Variants in FCRL6 observed in about 807,000 individuals in gnomAD.
The protein encoded by FCRL6 is Fc receptor like 6, also known as Fc receptor-like protein 6.
In FCRL6, 50 loss-of-function variants were observed where a neutral mutation model predicts 49.1. The observed-to-expected ratio is 1.02, with a 90% confidence interval of 0.81 to 1.29. FCRL6 has a LOEUF of 1.29. FCRL6 is among the 50% of genes most tolerant of loss of function. The probability of loss-of-function intolerance (pLI) is 0.00; values close to 1 mark genes in which losing one functional copy is unlikely to be tolerated. For synonymous variants in FCRL6, 213 were observed against 199.6 expected (o/e 1.07, Z -0.57); for missense variants, 571 against 518.5 (o/e 1.10, Z -0.98).
Position 159,809,325 on chromosome 1 carries a change from G to A in FCRL6, c.605-77G>A, listed in dbSNP as rs774963131. ...GATCCCCTGGGACTAAAGGAGTTGG[G>A]GGAAGGGTCCCCAGGAGAGGAGGGA... On this transcript the variant is annotated intron_variant, in intron 4 of 9. Coordinates refer to ENST00000368106, the MANE Select transcript of FCRL6 (RefSeq NM_001004310.3). 1.4e-4 allele frequency: 213 copies of A among 1,527,692 alleles called. 1 individual carries two copies. Among genetic ancestry groups the A allele is most frequent in the Non-Finnish European group, 1.8e-4 (209 of 1,140,458 alleles). 94.6% of individuals were successfully genotyped at this position (1,527,692 alleles called of 1,614,324 possible). A position where few individuals can be genotyped will look rare whatever the true frequency, so the allele number is the denominator to read the frequency against.
In FCRL6 at chr1:159,802,439, G is replaced by T. The variant is rs138762761; in HGVS notation, c.15G>T (p.Thr5=). The change falls in exon 1 of 10, where the codon ACG becomes ACT. Residue 5 remains threonine (T), a synonymous_variant. Coordinates refer to ENST00000368106, the MANE Select transcript of FCRL6 (RefSeq NM_001004310.3). ...GAACAGGCCCCATGCTGCTCTGGAC[G>T]GCTGTGCTGCTCTTTGGTAAGTCAA... is the stretch of plus-strand genomic sequence containing the variant. MLLW[T]AVLLFVPCVG... 2 of 1,613,814 alleles carry T rather than the reference G, an allele frequency of 1.2e-6. No homozygotes were observed. The highest frequency in any genetic ancestry group is 1.7e-6 in the Non-Finnish European group (2 of 1,179,862).
intron 1 of FCRL6, among the ~76,000 whole-genome samples, chr1:159,806,089 C>A (rs1662656149): frequency 6.6e-6 from 1 of 152,224 alleles, no homozygotes; most frequent in South Asian, 2.1e-4. Context: ...TAAGCAGAGT[C>A]CCTGCTACTA....
upstream of FCRL6, chr1:159,800,520 A>G (rs1415861475): frequency 3.0e-6 from 4 of 1,338,042 alleles, no homozygotes; most frequent in Non-Finnish European, 4.2e-6. Flanking sequence ...CCACACACCC[A>G]CAGGACCTGC....
chr1:159,815,594 C>A lies in FCRL6; in HGVS notation c.1238C>A (p.Thr413Lys), dbSNP rs781564692. 10 of 1,614,198 alleles carry A rather than the reference C, an allele frequency of 6.2e-6. No homozygotes were observed. Among genetic ancestry groups the A allele is most frequent in the Non-Finnish European group, 7.6e-6 (9 of 1,180,038 alleles). ...CTGCAGCCCAGTGAGGTTTCATCCA[C>A]GGAGGTGAATATGAGAAGCAGGACT... ...RCLQPSEVSS[T>K]EVNMRSRTLQ... The change falls in exon 10 of 10, where the codon ACG becomes AAG. Residue 413 changes from threonine to lysine, a missense_variant. Physicochemically the swap from Thr to Lys is moderately conservative, Grantham distance 78 (BLOSUM62 -1). Transcript: ENST00000368106.
rs758104876 is a variant in FCRL6 at position 159,814,250 on chromosome 1, G to A, written c.1105G>A (p.Val369Ile). ...TCACCAGAAAGGGAAAGATGAAGGT[G>A]TTGTCTACTCTGTGGTGCATAGAAC... ...VHHQKGKDEG[V>I]VYSVVHRTSK... Residue 369 changes from valine (V) to isoleucine (I), a missense_variant, in exon 8 of 10, where the codon GTT becomes ATT. Coordinates refer to ENST00000368106, the MANE Select transcript of FCRL6 (RefSeq NM_001004310.3). 4.3e-6 allele frequency: 7 copies of A among 1,614,198 alleles called. No individual in the cohort carries two copies. Among genetic ancestry groups the A allele is most frequent in the Non-Finnish European group, 5.9e-6 (7 of 1,180,008 alleles).
intron 2 of FCRL6, 83 bp from the exon 3 acceptor site, chr1:159,808,095 A>G (rs752139797): frequency 4.1e-5 from 61 of 1,487,702 alleles, no homozygotes; most frequent in Non-Finnish European, 5.1e-5. Context: ...CCCCAGCAGG[A>G]GGCCTTAGGC....
chr1:159,807,222 T>A (rs1234356042), intron 2 of FCRL6, among the ~76,000 whole-genome samples: 1 of 152,180 alleles, frequency 6.6e-6, no homozygotes, highest in Non-Finnish European at 1.5e-5. Flanking sequence ...GCGGTGAGCA[T>A]CGTTACTTCC....
intron 1 of FCRL6, among the ~76,000 whole-genome samples, chr1:159,805,449 T>G (rs970959660): frequency 1.3e-5 from 2 of 152,194 alleles, no homozygotes; most frequent in African/African-American, 4.8e-5. Flanking sequence ...CTGGACTGAC[T>G]GCACTCAGCC....
At chr1:159,805,337 C>T (rs1472481754) in intron 1 of FCRL6, among the ~76,000 whole-genome samples, 1 of 151,646 alleles carries the variant, frequency 6.6e-6, no homozygotes, top group Non-Finnish European at 1.5e-5. Context: ...AGGGTTTTCA[C>T]CCACCCTTCC....
chr1:159,815,245 G>A (rs1663323455), intron 8 of FCRL6, among the ~76,000 whole-genome samples, 183 bp from the exon 9 acceptor site: 1 of 152,238 alleles, frequency 6.6e-6, no homozygotes, highest in Non-Finnish European at 1.5e-5. Context: ...CACAGCTGGT[G>A]TGTAGTCCAG....
chr1:159,801,731 A>G (rs1231267965), upstream of FCRL6, among the ~76,000 whole-genome samples: 6 of 152,102 alleles, frequency 3.9e-5, no homozygotes, highest in Non-Finnish European at 8.8e-5. Context: ...AAACTATCTC[A>G]TCACACCACA....
At chr1:159,808,909 G>A (rs12042065) in intron 3 of FCRL6, 52 bp from the exon 4 acceptor site, 679,083 of 1,511,904 alleles carry the variant, frequency 0.45, 158,260 homozygotes, top group Non-Finnish European at 0.48. Context: ...AGCCTCCTGG[G>A]GCTTCATCAT....
chr1:159,811,199 C>T (rs1323572064), intron 6 of FCRL6, among the ~76,000 whole-genome samples: 11 of 152,174 alleles, frequency 7.2e-5, no homozygotes, highest in Admixed American at 5.2e-4. Context: ...GTTTGGGGGG[C>T]CACGCATTTA....
intron 3 of FCRL6, 123 bp downstream of exon 3, chr1:159,808,567 G>A: frequency 8.1e-7 from 1 of 1,230,750 alleles, no homozygotes; most frequent in South Asian, 1.4e-5. Context: ...GGGCCAATGT[G>A]TGGGGCCCCG....
intron 8 of FCRL6, among the ~76,000 whole-genome samples, chr1:159,814,823 A>C (rs1663299208): frequency 6.6e-6 from 1 of 152,188 alleles, no homozygotes; most frequent in African/African-American, 2.4e-5. Context: ...GAAATAGGCC[A>C]TGTGGCATCA....
intron 1 of FCRL6, among the ~76,000 whole-genome samples, chr1:159,804,357 TC>T (rs1321056493): frequency 2.0e-5 from 3 of 152,248 alleles, no homozygotes; most frequent in Admixed American, 2.0e-4. Context: ...GTATTTTGTG[TC>T]TTTCCTCTGT....
At position 159,816,174 on chromosome 1, in the gene FCRL6, C is replaced by T. The variant is rs989753885; in HGVS notation, c.*513C>T. 1.2e-5 allele frequency: 2 copies of T among 170,076 alleles called. No individual in the cohort carries two copies. Among genetic ancestry groups the T allele is most frequent in the South Asian group, 2.9e-4 (2 of 6,974 alleles). The allele number at this position is 170,076 out of a possible 1,614,324, so 10.5% of individuals were successfully genotyped here. A position where few individuals can be genotyped will look rare whatever the true frequency, so the allele number is the denominator to read the frequency against. On this transcript the variant is annotated 3_prime_UTR_variant, in exon 10 of 10. Transcript: ENST00000368106. Reference sequence around the variant, plus strand: ...ACAAACAAGCTACAGCGCCGCTAGTCATATACAAATATAGCACATACAATT... The same window carrying T: ...ACAAACAAGCTACAGCGCCGCTAGTTATATACAAATATAGCACATACAATT...
chr1:159,805,364 T>A (rs190662306), intron 1 of FCRL6, among the ~76,000 whole-genome samples: 206 of 116,988 alleles, frequency 1.8e-3, no homozygotes, highest in Admixed American at 4.6e-3. Context: ...CATTCTTGCA[T>A]TTTTTTTTTG....
intron 1 of FCRL6, among the ~76,000 whole-genome samples, chr1:159,806,049 T>C (rs1192301358): frequency 6.6e-6 from 1 of 152,218 alleles, no homozygotes; most frequent in Non-Finnish European, 1.5e-5. Flanking sequence ...GCACAGGTCT[T>C]GGGCATAGAA....
Sources: allele counts gnomAD v4.1 joint callset (sites outside exome capture counted in the v4.1 genomes callset), GRCh38; gene constraint gnomAD v4.1.1; transcripts MANE v1.5; gene names NCBI Gene and HGNC (gene_info 2026-07-23, HGNC 2026-07-21).